The following ATP4A variants were observed in gnomAD, a reference collection of about 807,000 sequenced individuals.
The protein encoded by ATP4A is potassium-transporting ATPase alpha chain 1.
A neutral mutation model predicts 112.1 loss-of-function variants in ATP4A; 73 were observed. The ratio of observed to expected loss-of-function variants is 0.65; its 90% CI spans 0.54 to 0.79. The LOEUF (loss-of-function observed/expected upper bound fraction) is 0.79, where lower values mean the gene tolerates loss of function less well. ATP4A is among the 30% of genes least tolerant of loss of function. The pLI is 0.00. For missense variants in ATP4A, 1,081 were observed against 1,425.9 expected (o/e 0.76, Z 3.90); for synonymous variants, 588 against 588.9 (o/e 1.00, Z 0.02).
Position 35,550,672 on chromosome 19 carries a change from A to C in ATP4A, c.3080-29T>G, listed in dbSNP as rs2071596195. On this transcript the variant is annotated intron_variant, in intron 21 of 21. Coordinates refer to ENST00000262623, the MANE Select transcript of ATP4A (RefSeq NM_000704.3). This position sits in a 1 kb window ranked among gnomAD's most constrained non-coding sequence, Gnocchi z 4.1. Reference sequence around the variant, plus strand: ...GGAGAGAGAGGGAGAAAGGAGACTCAGTGCTGGGGGTGCCACTTAGGCAGG... The same window carrying C: ...GGAGAGAGAGGGAGAAAGGAGACTCCGTGCTGGGGGTGCCACTTAGGCAGG... 2 of 1,613,778 alleles carry C rather than the reference A, an allele frequency of 1.2e-6. No homozygotes were observed. The highest frequency in any genetic ancestry group is 1.7e-6 in the Non-Finnish European group (2 of 1,179,794).
In ATP4A at chr19:35,557,950, C is replaced by T. The variant is rs1599573126; in HGVS notation, c.1501-103G>A. 12 of 942,224 alleles carry T rather than the reference C, an allele frequency of 1.3e-5. No individual in the cohort carries two copies. Among genetic ancestry groups the T allele is most frequent in the African/African-American group, 5.2e-5 (3 of 57,978 alleles). The allele number at this position is 942,224 out of a possible 1,614,324, so 58.4% of individuals were successfully genotyped here. ...GAGGAGAGGGGCGGGGCCGAGAGCT[C>T]GGTGCGGGCTCTGAGAGCTGCGGGG... On this transcript the variant is annotated intron_variant, in intron 10 of 21. Transcript: ENST00000262623. This position sits in a 1 kb window ranked among gnomAD's most constrained non-coding sequence, Gnocchi z 4.4.
rs1237985739 is a variant in ATP4A, at chr19:35,563,638, G to T, written c.-9C>A. On this transcript the variant is annotated 5_prime_UTR_variant, in exon 1 of 22. Coordinates refer to ENST00000262623, the MANE Select transcript of ATP4A (RefSeq NM_000704.3). ...CTCACGGCCTTCCCCATGGTGCCCG[G>T]TGCCTGTGCTCCCACCCAACAGAGC... 2 of 1,613,936 alleles carry T rather than the reference G, an allele frequency of 1.2e-6. No homozygotes were observed. Among genetic ancestry groups the T allele is most frequent in the Admixed American group, 1.7e-5 (1 of 60,016 alleles).
Position 35,557,463 on chromosome 19 carries a change from G to A in ATP4A, c.1693+192C>T, listed in dbSNP as rs2071637600. ...GATAAAAGTCCAGGTGAGGACTGGG[G>A]TCAAGGTAGAAAGTGAGGACAGACA... On this transcript the variant is annotated intron_variant, in intron 11 of 21. Transcript: ENST00000262623. This position sits in a 1 kb window ranked among gnomAD's most constrained non-coding sequence, Gnocchi z 4.4. 1.3e-5 allele frequency among the ~76,000 whole-genome samples: 2 copies of A among 152,242 alleles called. No homozygotes were observed. Among genetic ancestry groups the A allele is most frequent in the Non-Finnish European group, 2.9e-5 (2 of 68,050 alleles).
chr19:35,555,270 A>T lies in ATP4A; in HGVS notation c.2222T>A (p.Ile741Asn). 4 of 1,614,150 alleles carry T rather than the reference A, an allele frequency of 2.5e-6. No homozygotes were observed. ...GCCAGCGATGCCCATGGCTACTCCG[A>T]TGTCTGCCTTCTTCAGAGCTGGGGA... Reference protein sequence around the residue: ...NDSPALKKADIGVAMGIAGSD... With the variant: ...NDSPALKKADNGVAMGIAGSD... The change falls in exon 15 of 22, where the codon ATC becomes AAC. Residue 741 changes from isoleucine (I) to asparagine (N), a missense_variant. By Grantham distance (149) the Ile-to-Asn change is moderately radical. Around this residue, in one of 3 missense-constraint regions of ATP4A, gnomAD observed 850 missense variants for 1,068.2 expected, o/e 0.80. Coordinates refer to ENST00000262623, the MANE Select transcript of ATP4A (RefSeq NM_000704.3). The surrounding 1 kb of genome is among the most constrained non-coding windows in gnomAD (Gnocchi z 6.6).
At chr19:35,553,973 G>T (rs2071616594) in intron 16 of ATP4A, 144 bp from the exon 17 acceptor site, 2 of 1,183,978 alleles carry the variant, frequency 1.7e-6, no homozygotes, top group Admixed American at 2.9e-5. Flanking sequence ...AGCCACACCA[G>T]CCTGGACAGC....
chr19:35,555,694 A>G lies in ATP4A; in HGVS notation c.1988T>C (p.Val663Ala). ...GGCTTACTTGCGATTAACCTGGTCT[A>G]CGGGCACACGGAGGCGGGCAGCGAT... ...EDIAARLRVP[V>A]DQVNRKDARA... Residue 663 changes from valine (V) to alanine (A), a missense_variant, in exon 13 of 22, where the codon GTA (valine) becomes GCA (alanine). By Grantham distance (64) the Val-to-Ala change is moderately conservative. Around this residue, in one of 3 missense-constraint regions of ATP4A, gnomAD observed 850 missense variants for 1,068.2 expected, o/e 0.80. Transcript: ENST00000262623. This position sits in a 1 kb window ranked among gnomAD's most constrained non-coding sequence, Gnocchi z 6.6. The G allele has an allele frequency of 6.2e-7, 1 of 1,608,094 alleles. No homozygotes were observed. Among genetic ancestry groups the G allele is most frequent in the Non-Finnish European group, 8.5e-7 (1 of 1,175,034 alleles).
chr19:35,554,394 C>T (rs1220829965), intron 16 of ATP4A, among the ~76,000 whole-genome samples: 1 of 152,108 alleles, frequency 6.6e-6, no homozygotes, highest in Non-Finnish European at 1.5e-5. Flanking sequence ...AGTAACAAAA[C>T]TCATCTCATA....
At position 35,553,876 on chromosome 19, in the gene ATP4A, T is replaced by C. The variant is rs1298979462; in HGVS notation, c.2482-47A>G. ...TGGGACTGAGGGTTTGGCTGGGCCC[T>C]TGTCCCCTCCACTTCGGGTCCCCCT... On this transcript the variant is annotated intron_variant, in intron 16 of 21. Coordinates refer to ENST00000262623, the MANE Select transcript of ATP4A (RefSeq NM_000704.3). 5.2e-6 allele frequency: 8 copies of C among 1,536,186 alleles called. No homozygotes were observed. The South Asian group carries it at 9.6e-5, about 19-fold the overall frequency.
At chr19:35,562,745 GCTCCTT>G in intron 3 of ATP4A, 107 bp from the exon 4 acceptor site, 1 of 1,120,994 alleles carries the variant, frequency 8.9e-7, no homozygotes, top group Non-Finnish European at 1.2e-6. Context: ...GGTCTGTCCT[GCTCCTT>G]CTCATCTCTT....
At position 35,554,199 on chromosome 19, in the gene ATP4A, G is replaced by A. The variant is rs373650237; in HGVS notation, c.2482-370C>T. Among the ~76,000 whole-genome samples, 5 of 150,888 alleles carry A rather than the reference G, an allele frequency of 3.3e-5. 1 individual carries two copies. The highest frequency in any genetic ancestry group is 4.9e-5 in the African/African-American group (2 of 40,934). On this transcript the variant is annotated intron_variant, in intron 16 of 21. Coordinates refer to ENST00000262623, the MANE Select transcript of ATP4A (RefSeq NM_000704.3). The stretch of plus-strand genomic sequence containing the variant: ...TGTGTATCTTCAGTCTCTCAGTGTC[G>A]CCGTGCCCCTTCATCTGCTTGTGCC...
chr19:35,553,683 C>A, intron 17 of ATP4A, 23 bp downstream of exon 17: 1 of 1,611,396 alleles, frequency 6.2e-7, no homozygotes, highest in East Asian at 2.2e-5. Context: ...CACCTCCAGG[C>A]TCCCCGGCCC....
At position 35,558,797 on chromosome 19, in the gene ATP4A, A is replaced by G. The variant is rs2071649420; in HGVS notation, c.1256-111T>C. 3.0e-6 allele frequency: 4 copies of G among 1,311,564 alleles called. No homozygotes were observed. Among genetic ancestry groups the G allele is most frequent in the Non-Finnish European group, 4.1e-6 (4 of 970,798 alleles). The allele number at this position is 1,311,564 out of a possible 1,614,324, so 81.2% of individuals were successfully genotyped here. On this transcript the variant is annotated intron_variant, in intron 8 of 21. Coordinates refer to ENST00000262623, the MANE Select transcript of ATP4A (RefSeq NM_000704.3). This position sits in a 1 kb window ranked among gnomAD's most constrained non-coding sequence, Gnocchi z 5.1. Reference sequence around the variant, plus strand: ...GGCCCCCTCCCCAGACCTGGGTGGAATTGGGTTCCACCCAACCCTGAGGGA... The same window carrying G: ...GGCCCCCTCCCCAGACCTGGGTGGAGTTGGGTTCCACCCAACCCTGAGGGA...
At chr19:35,561,123 GCT>G (rs1568316239) in intron 4 of ATP4A, among the ~76,000 whole-genome samples, 191 bp from the exon 5 acceptor site, 1 of 151,982 alleles carries the variant, frequency 6.6e-6, no homozygotes, top group Non-Finnish European at 1.5e-5. Context: ...ACACTCGCCT[GCT>G]CTGTCTTCTC....
Position 35,550,969 on chromosome 19 carries a change from C to T in ATP4A, c.2987+41G>A. Reference sequence around the variant, plus strand: ...GTGAAGGCCATCCCAGGCCTGTGCCCTACAGCCCCCTCCCTGTCCTTGCCC... The same window carrying T: ...GTGAAGGCCATCCCAGGCCTGTGCCTTACAGCCCCCTCCCTGTCCTTGCCC... On this transcript the variant is annotated intron_variant, in intron 20 of 21. Coordinates refer to ENST00000262623, the MANE Select transcript of ATP4A (RefSeq NM_000704.3). This position sits in a 1 kb window ranked among gnomAD's most constrained non-coding sequence, Gnocchi z 4.1. 6.2e-7 allele frequency: 1 copy of T among 1,613,094 alleles called. No individual in the cohort carries two copies. Among genetic ancestry groups the T allele is most frequent in the Non-Finnish European group, 8.5e-7 (1 of 1,179,446 alleles).
chr19:35,555,639 T>A lies in ATP4A; in HGVS notation c.2006+37A>T. The A allele has an allele frequency of 6.3e-7, 1 of 1,586,438 alleles. No homozygotes were observed. Among genetic ancestry groups the A allele is most frequent in the Non-Finnish European group, 8.6e-7 (1 of 1,159,660 alleles). ...CGCTGGGACCTCGGTCTGTGCCAGA[T>A]GTGGGGAGAACCCCGGGGAGGTCTG... On this transcript the variant is annotated intron_variant, in intron 13 of 21. Transcript: ENST00000262623. This position sits in a 1 kb window ranked among gnomAD's most constrained non-coding sequence, Gnocchi z 6.6.
chr19:35,558,399 A>G lies in ATP4A; in HGVS notation c.1463T>C (p.Val488Ala). The stretch of plus-strand genomic sequence containing the variant: ...GGTGGAGTTGAAGGGTATCTCGCAG[A>G]CTTTTGGGAAGCGGTCCCGGTAGCC... ...AMGYRDRFPK[V>A]CEIPFNSTNK... Residue 488 changes from valine to alanine, a missense_variant, in exon 10 of 22, where the codon GTC (valine) becomes GCC (alanine). By Grantham distance (64) the Val-to-Ala change is moderately conservative. Coordinates refer to ENST00000262623, the MANE Select transcript of ATP4A (RefSeq NM_000704.3). This position sits in a 1 kb window ranked among gnomAD's most constrained non-coding sequence, Gnocchi z 5.1. 6.2e-7 allele frequency: 1 copy of G among 1,611,650 alleles called. No homozygotes were observed. The highest frequency in any genetic ancestry group is 1.1e-5 in the South Asian group (1 of 90,534).
chr19:35,551,530 G>T lies in ATP4A; in HGVS notation c.2802C>A (p.Phe934Leu). 6.2e-7 allele frequency: 1 copy of T among 1,614,026 alleles called. No homozygotes were observed. Among genetic ancestry groups the T allele is most frequent in the Non-Finnish European group, 8.5e-7 (1 of 1,179,956 alleles). Residue 934 changes from phenylalanine to leucine, a missense_variant, in exon 19 of 22, where the codon TTC (phenylalanine) becomes TTA (leucine). By Grantham distance (22) the Phe-to-Leu change is conservative. This residue lies in a region of ATP4A where 219 missense variants were observed against 320.9 expected (regional missense o/e 0.68). Transcript: ENST00000262623. This position sits in a 1 kb window ranked among gnomAD's most constrained non-coding sequence, Gnocchi z 5.2. ...YQQYTCYTVF[F>L]ISIEVCQIAD... The stretch of plus-strand genomic sequence containing the variant: ...CGATCTGGCACACCTCAATGCTGAT[G>T]AAGAACACGGTGTAGCAGGTGTACT...
intron 3 of ATP4A, 84 bp from the exon 4 acceptor site, chr19:35,562,722 C>T: frequency 1.4e-6 from 2 of 1,393,660 alleles, no homozygotes; most frequent in South Asian, 1.4e-5. Context: ...CTTCAGTTTC[C>T]CTTCTCCAGC....
In ATP4A at chr19:35,555,215, C is replaced by G. The variant is rs1182790496; in HGVS notation, c.2277G>C (p.Met759Ile). 1.9e-6 allele frequency: 3 copies of G among 1,614,204 alleles called. No homozygotes were observed. The highest frequency in any genetic ancestry group is 2.2e-5 in the South Asian group (2 of 91,084). Residue 759 changes from methionine (M) to isoleucine (I), a missense_variant, in exon 15 of 22, where the codon ATG becomes ATC. Physicochemically the swap from Met to Ile is conservative, Grantham distance 10 (BLOSUM62 1). This residue lies in a region of ATP4A where 850 missense variants were observed against 1,068.2 expected (regional missense o/e 0.80). Coordinates refer to ENST00000262623, the MANE Select transcript of ATP4A (RefSeq NM_000704.3). The surrounding 1 kb of genome is among the most constrained non-coding windows in gnomAD (Gnocchi z 6.6). ...GSDAAKNAAD[M>I]ILLDDNFASI... is the part of the protein sequence containing the mutation. ...AGGCAAAGTTGTCATCCAGCAGGAT[C>G]ATGTCAGCTGCATTTTTGGCAGCAT...
Sources: gnomAD v4.1 joint callset for allele counts (sites outside exome capture counted in the v4.1 genomes callset) on GRCh38, gnomAD v4.1.1 for gene constraint, gnomAD v4.1.1 regional missense constraint, Gnocchi (gnomAD v3.1) non-coding constraint, MANE v1.5 for transcripts, NCBI Gene and HGNC (gene_info 2026-07-23, HGNC 2026-07-21) for gene names.